Variants in ABHD2 observed in about 807,000 individuals in gnomAD.
ABHD2 encodes abhydrolase domain containing 2, acylglycerol lipase.
A neutral mutation model predicts 48.1 loss-of-function variants in ABHD2; 20 were observed. The observed-to-expected ratio is 0.42, with a 90% CI of 0.29 to 0.60. The LOEUF (loss-of-function observed/expected upper bound fraction) is 0.60. Ranked by LOEUF, ABHD2 falls within the 20% of genes least tolerant of loss-of-function variation. The pLI is 0.24. For missense variants in ABHD2, 405 were observed against 550.9 expected (o/e 0.74, Z 2.65); for synonymous variants, 209 against 214.2 (o/e 0.98, Z 0.21).
chr15:89,113,364 C>T (rs142072840), intron 1 of ABHD2, among the ~76,000 whole-genome samples: 1 of 152,208 alleles, frequency 6.6e-6, no homozygotes, highest in Non-Finnish European at 1.5e-5. Flanking sequence ...CGATCTCAAG[C>T]CTTGCTAAGT....
chr15:89,099,947 ATAACAG>A (rs1342498591), intron 1 of ABHD2, among the ~76,000 whole-genome samples: 1 of 152,168 alleles, frequency 6.6e-6, no homozygotes, highest in Non-Finnish European at 1.5e-5. Flanking sequence ...TGATTTAAAG[ATAACAG>A]TATCAGAGCC....
rs943587999 is a variant in ABHD2 at position 89,092,958 on chromosome 15, C to T, written c.-107+4395C>T. Among the ~76,000 whole-genome samples, 1 of 151,986 alleles carries T rather than the reference C, an allele frequency of 6.6e-6. No homozygotes were observed. Among genetic ancestry groups the T allele is most frequent in the Non-Finnish European group, 1.5e-5 (1 of 68,022 alleles). On this transcript the variant is annotated intron_variant, in intron 1 of 10. Transcript: ENST00000352732. The surrounding 1 kb of genome is among the most constrained non-coding windows in gnomAD (Gnocchi z 4.4). ...CAAATATTTTTCTTTTCTGTGAGAG[C>T]CCGGGGGAGGTGCAGGGGAGCTTCT...
the ABHD2 span, among the ~76,000 whole-genome samples, chr15:89,048,908 A>T: frequency 5.2e-3 from 639 of 122,458 alleles, 58 homozygotes; most frequent in African/African-American, 0.021. Flanking sequence ...CGTCAAAGTC[A>T]TTTGTTCCGT....
the ABHD2 span, among the ~76,000 whole-genome samples, chr15:89,070,511 G>C: frequency 0.21 from 31,668 of 151,914 alleles, 4,163 homozygotes; most frequent in African/African-American, 0.36. Context: ...GTCTGGAGAT[G>C]CGGAACTAAG....
chr15:89,190,748 A>G (rs2051289932), intron 8 of ABHD2, among the ~76,000 whole-genome samples: 1 of 152,230 alleles, frequency 6.6e-6, no homozygotes, highest in Non-Finnish European at 1.5e-5. Context: ...CATTTTATAC[A>G]GGAGAAGCTG....
At position 89,146,539 on chromosome 15, in the gene ABHD2, C is replaced by T. The variant is rs1596114310; in HGVS notation, c.195-5138C>T. On this transcript the variant is annotated intron_variant, in intron 3 of 10. Coordinates refer to ENST00000352732, the MANE Select transcript of ABHD2 (RefSeq NM_152924.5). The surrounding 1 kb of genome is among the most constrained non-coding windows in gnomAD (Gnocchi z 4.2). ...GCTGGCCTCTATATTTTGTTGTGGC[C>T]CAGCTTGTTTGTTAGTAACAAACAT... is the stretch of plus-strand genomic sequence containing the variant. Among the ~76,000 whole-genome samples, 2 of 152,114 alleles carry T rather than the reference C, an allele frequency of 1.3e-5. No homozygotes were observed. Among genetic ancestry groups the T allele is most frequent in the Admixed American group, 1.3e-4 (2 of 15,280 alleles).
chr15:89,183,384 A>AAAAAAAATATAT lies in ABHD2; in HGVS notation c.723-2039_723-2038insAAAAAATATATA, dbSNP rs61602174. ...AGTCCTTTTCAAAAAAAAAAAAAAAAATATATATATATATATATATATATA... is the reference window on the plus strand; with the variant it reads ...AGTCCTTTTCAAAAAAAAAAAAAAAAAAAAAAATATATATATATATATATATATATATATATA... On this transcript the variant is annotated intron_variant, in intron 6 of 10. Transcript: ENST00000352732. 81 of 46,262 alleles carry AAAAAAAATATAT rather than the reference A, an allele frequency of 1.8e-3. 1 individual carries two copies. Among genetic ancestry groups the AAAAAAAATATAT allele is most frequent in the Non-Finnish European group, 2.7e-3 (63 of 23,594 alleles). 2.9% of individuals were successfully genotyped at this position (46,262 alleles called of 1,614,324 possible).
At chr15:89,055,886 C>T in the ABHD2 span, among the ~76,000 whole-genome samples, 1 of 151,984 alleles carries the variant, frequency 6.6e-6, no homozygotes, top group Non-Finnish European at 1.5e-5. Flanking sequence ...TTTTTACAGA[C>T]TGGGTCTCAC....
At chr15:89,046,066 G>A in the ABHD2 span, among the ~76,000 whole-genome samples, 2 of 152,112 alleles carry the variant, frequency 1.3e-5, no homozygotes, top group South Asian at 2.1e-4. Flanking sequence ...TTTGAAATAC[G>A]TCCCATCAGT....
chr15:89,089,725 A>G (rs1403734052), intron 1 of ABHD2, among the ~76,000 whole-genome samples: 1 of 152,116 alleles, frequency 6.6e-6, no homozygotes, highest in African/African-American at 2.4e-5. Context: ...CCAAAAGAGA[A>G]ATCCTTCACT....
intron 1 of ABHD2, among the ~76,000 whole-genome samples, chr15:89,107,695 G>A (rs2049808774): frequency 6.6e-6 from 1 of 152,194 alleles, no homozygotes; most frequent in Admixed American, 6.5e-5. Flanking sequence ...GGCACTGGCT[G>A]TGTCACTGCA....
the ABHD2 span, among the ~76,000 whole-genome samples, chr15:89,052,544 C>T: frequency 7.0e-6 from 1 of 143,738 alleles, no homozygotes. Flanking sequence ...GACAGACAGA[C>T]AGACAGACAG....
At chr15:89,080,013 A>G in the ABHD2 span, among the ~76,000 whole-genome samples, 19 of 152,212 alleles carry the variant, frequency 1.2e-4, no homozygotes, top group Admixed American at 9.8e-4. Flanking sequence ...ATAGGGCAGA[A>G]ACTCCACCTC....
chr15:89,101,526 A>G (rs1236131335), intron 1 of ABHD2, among the ~76,000 whole-genome samples: 1 of 152,224 alleles, frequency 6.6e-6, no homozygotes, highest in Non-Finnish European at 1.5e-5. Context: ...CCACAGACTT[A>G]GTCAATTAGT....
In ABHD2 at chr15:89,184,861, T is replaced by C. The variant is rs564210194; in HGVS notation, c.723-563T>C. On this transcript the variant is annotated intron_variant, in intron 6 of 10. Transcript: ENST00000352732. The surrounding 1 kb of genome is among the most constrained non-coding windows in gnomAD (Gnocchi z 5.1). ...GTGCCTACAAAGGGTTAAGGGCCTG[T>C]CTACTTCCACTTCGATTTCCTTGCC... 1.5e-3 allele frequency among the ~76,000 whole-genome samples: 235 copies of C among 152,344 alleles called. No individual in the cohort carries two copies. Among genetic ancestry groups the C allele is most frequent in the Admixed American group, 2.7e-3 (41 of 15,306 alleles).
chr15:89,164,734 G>A lies in ABHD2; in HGVS notation c.538+9200G>A, dbSNP rs1025105571. 1.3e-5 allele frequency among the ~76,000 whole-genome samples: 2 copies of A among 151,512 alleles called. No homozygotes were observed. The highest frequency in any genetic ancestry group is 2.1e-4 in the South Asian group (1 of 4,796). On this transcript the variant is annotated intron_variant, in intron 5 of 10. Coordinates refer to ENST00000352732, the MANE Select transcript of ABHD2 (RefSeq NM_152924.5). This position sits in a 1 kb window ranked among gnomAD's most constrained non-coding sequence, Gnocchi z 5.0. ...CAGGAGTGCAGTGAGCCAAGATTAC[G>A]CCACTGCACTCCAGCCTAGACGACA...
At chr15:89,136,092 A>ATTTTT in intron 3 of ABHD2, 4 of 166,934 alleles carry the variant, frequency 2.4e-5, no homozygotes, top group Admixed American at 1.3e-4. Context: ...ATGCCTGGCA[A>ATTTTT]TTTTTTTTTT....
intron 6 of ABHD2, among the ~76,000 whole-genome samples, chr15:89,178,855 G>A (rs537146528): frequency 3.0e-4 from 46 of 152,288 alleles, no homozygotes; most frequent in African/African-American, 1.0e-3. Flanking sequence ...GGAGCTTAAA[G>A]AAAATGGGGA....
the ABHD2 span, among the ~76,000 whole-genome samples, chr15:89,049,281 G>C: frequency 6.6e-6 from 1 of 152,214 alleles, no homozygotes; most frequent in Admixed American, 6.5e-5. Context: ...GAGAACCACT[G>C]CTCTCTTCAA....
Sources: allele counts gnomAD v4.1 joint callset (sites outside exome capture counted in the v4.1 genomes callset), GRCh38; gene constraint gnomAD v4.1.1; non-coding constraint Gnocchi (gnomAD v3.1); transcripts MANE v1.5; gene names NCBI Gene and HGNC (gene_info 2026-07-23, HGNC 2026-07-21).